Variants in THRB observed in about 807,000 individuals in gnomAD.
The protein encoded by THRB is thyroid hormone receptor beta, also known as nuclear receptor subfamily 1 group A member 2.
In THRB, 12 loss-of-function variants were observed where a neutral mutation model predicts 47.8. That is an observed-to-expected ratio of 0.25 (90% confidence interval 0.16 to 0.41). THRB has a LOEUF of 0.41. Ranked by LOEUF, THRB falls within the 10% of genes least tolerant of loss-of-function variation. The pLI is 1.00. For missense variants in THRB, 348 were observed against 589.2 expected (o/e 0.59, Z 4.24); for synonymous variants, 218 against 212.2 (o/e 1.03, Z -0.24).
chr3:24,226,217 C>A (rs1410424622), intron 4 of THRB, among the ~76,000 whole-genome samples: 2 of 152,146 alleles, frequency 1.3e-5, no homozygotes, highest in African/African-American at 4.8e-5. Context: ...ATCTATTATG[C>A]TTTTCAAAGG....
intron 4 of THRB, among the ~76,000 whole-genome samples, chr3:24,228,625 C>T (rs1379998129): frequency 2.2e-5 from 3 of 134,010 alleles, no homozygotes; most frequent in African/African-American, 8.4e-5. Flanking sequence ...AGAGCAAGAC[C>T]ATGTCTCAAA....
chr3:24,144,271 C>G (rs1442546399), intron 7 of THRB: 1 of 166,962 alleles, frequency 6.0e-6, no homozygotes, highest in Admixed American at 5.5e-5. Context: ...TGGAATGTGG[C>G]TGGGCCTCAC....
chr3:24,471,720 G>GC (rs2125770643), intron 1 of THRB, among the ~76,000 whole-genome samples: 1 of 152,260 alleles, frequency 6.6e-6, no homozygotes, highest in Admixed American at 6.5e-5. Flanking sequence ...CTAGTCTGCT[G>GC]CTAATCCACA....
intron 1 of THRB, among the ~76,000 whole-genome samples, chr3:24,409,229 C>T (rs192736428): frequency 6.6e-6 from 1 of 151,904 alleles, no homozygotes; most frequent in Non-Finnish European, 1.5e-5. Context: ...AAGATAAAGG[C>T]CCCACTGTAA....
At chr3:24,244,745 G>C (rs1346856193) in intron 3 of THRB, among the ~76,000 whole-genome samples, 1 of 152,200 alleles carries the variant, frequency 6.6e-6, no homozygotes, top group African/African-American at 2.4e-5. Flanking sequence ...GAACTGAGAT[G>C]TTGCTTAGCT....
chr3:24,409,121 G>C (rs1343388684), intron 1 of THRB, among the ~76,000 whole-genome samples: 3 of 151,712 alleles, frequency 2.0e-5, no homozygotes, highest in Non-Finnish European at 4.4e-5. Flanking sequence ...AAACATCAGT[G>C]AACATGTTTT....
intron 10 of THRB, among the ~76,000 whole-genome samples, chr3:24,126,784 G>A (rs528935981): frequency 3.9e-5 from 6 of 152,236 alleles, no homozygotes; most frequent in Non-Finnish European, 8.8e-5. Flanking sequence ...CAGGGGGACC[G>A]TTGAGTCCTG....
intron 1 of THRB, among the ~76,000 whole-genome samples, chr3:24,481,229 GTTTTTTTTTTTTTTTTTT>G (rs746323691): frequency 1.8e-5 from 1 of 55,380 alleles, no homozygotes; most frequent in South Asian, 7.2e-4. Context: ...GTTTCTTTCT[GTTTTTTTTTTTTTTTTTT>G]TTTTTTTTTT....
At chr3:24,191,218 C>G (rs7612541) in intron 4 of THRB, among the ~76,000 whole-genome samples, 1 of 151,092 alleles carries the variant, frequency 6.6e-6, no homozygotes, top group African/African-American at 2.4e-5. Context: ...ATCTTTACTG[C>G]ACATGGATAT....
intron 2 of THRB, among the ~76,000 whole-genome samples, chr3:24,299,776 TA>T (rs377078926): frequency 0.43 from 37,737 of 88,530 alleles, 10,953 homozygotes; most frequent in East Asian, 0.56. Flanking sequence ...CTTTTTTATT[TA>T]TTTATTTATT....
chr3:24,359,652 C>T (rs114050031), intron 1 of THRB, among the ~76,000 whole-genome samples: 1,660 of 152,230 alleles, frequency 0.011, 35 homozygotes, highest in African/African-American at 0.038. Context: ...AATCTTTTTT[C>T]TACTTCCCTC....
chr3:24,400,256 G>T (rs2067289634), intron 1 of THRB, among the ~76,000 whole-genome samples: 1 of 152,072 alleles, frequency 6.6e-6, no homozygotes, highest in Non-Finnish European at 1.5e-5. Flanking sequence ...CTGAACCCAA[G>T]GTTCTAATGA....
At chr3:24,333,214 G>A (rs866501437) in intron 2 of THRB, among the ~76,000 whole-genome samples, 1 of 151,986 alleles carries the variant, frequency 6.6e-6, no homozygotes, top group African/African-American at 2.4e-5. Flanking sequence ...AAAAAAAAGT[G>A]GAAAAATGTC....
At chr3:24,181,610 A>G (rs1235082926) in intron 5 of THRB, among the ~76,000 whole-genome samples, 1 of 152,234 alleles carries the variant, frequency 6.6e-6, no homozygotes, top group Non-Finnish European at 1.5e-5. Context: ...AGCCCTTGAC[A>G]AACAGTGAGA....
intron 1 of THRB, chr3:24,459,216 G>C (rs888735746): frequency 1.3e-5 from 2 of 152,116 alleles, no homozygotes; most frequent in African/African-American, 4.8e-5. Context: ...TTGGTTTTCT[G>C]TTCCTACGAT....
chr3:24,484,198 A>G (rs1390658515), intron 1 of THRB: 1 of 152,162 alleles, frequency 6.6e-6, no homozygotes, highest in Non-Finnish European at 1.5e-5. Flanking sequence ...TTTTTATTTT[A>G]TTTTTGAGTG....
At chr3:24,361,513 G>A (rs916338994) in intron 1 of THRB, among the ~76,000 whole-genome samples, 1 of 152,098 alleles carries the variant, frequency 6.6e-6, no homozygotes, top group Admixed American at 6.6e-5. Flanking sequence ...GGAAATTCTG[G>A]GAAGAAAGAT....
intron 4 of THRB, among the ~76,000 whole-genome samples, chr3:24,227,585 C>T (rs6771472): frequency 0.017 from 2,607 of 152,144 alleles, 64 homozygotes; most frequent in African/African-American, 0.057. Flanking sequence ...AGCTCCAGTA[C>T]GGGTGGGTAG....
chr3:24,281,507 T>C (rs576789793), intron 3 of THRB, among the ~76,000 whole-genome samples: 1 of 148,904 alleles, frequency 6.7e-6, no homozygotes, highest in East Asian at 2.0e-4. Flanking sequence ...CCATCGAGAC[T>C]AGGAGGAAAC....
Sources: gnomAD v4.1 joint callset for allele counts (sites outside exome capture counted in the v4.1 genomes callset) on GRCh38, gnomAD v4.1.1 for gene constraint, MANE v1.5 for transcripts, NCBI Gene and HGNC (gene_info 2026-07-23, HGNC 2026-07-21) for gene names.